The following MAMDC2 variants were observed in gnomAD, a reference collection of about 807,000 sequenced individuals.
MAMDC2 encodes the protein MAM domain containing 2, also known as MAM domain-containing protein 2.
In MAMDC2, 57 loss-of-function variants were observed where a neutral mutation model predicts 89.8. The ratio of observed to expected loss-of-function variants is 0.63; its 90% CI spans 0.51 to 0.79. MAMDC2 has a LOEUF of 0.79. Among genes scored for constraint, MAMDC2 ranks in the 30% least tolerant of loss-of-function variants. The probability of loss-of-function intolerance (pLI) is 0.00; values close to 1 mark genes in which losing one functional copy is unlikely to be tolerated. For synonymous variants in MAMDC2, 313 were observed against 293.4 expected, an observed-to-expected ratio of 1.07 and a Z score of -0.68; for missense variants, 800 against 820.6, an observed-to-expected ratio of 0.97 and a Z score of 0.31.
chr9:70,072,961 G>A (rs572244029), intron 2 of MAMDC2, among the ~76,000 whole-genome samples: 37 of 152,164 alleles, frequency 2.4e-4, no homozygotes, highest in Admixed American at 2.0e-3. Context: ...TCAGCCTCCC[G>A]AGTAGCTGGG....
intron 11 of MAMDC2, among the ~76,000 whole-genome samples, chr9:70,212,528 C>T (rs867071385): frequency 6.6e-5 from 10 of 152,194 alleles, no homozygotes; most frequent in South Asian, 4.1e-4. Context: ...TCCCTTGTCA[C>T]GGCTTCCCTT....
At chr9:70,154,663 G>A (rs2031692094) in intron 9 of MAMDC2, among the ~76,000 whole-genome samples, 1 of 151,064 alleles carries the variant, frequency 6.6e-6, no homozygotes, top group African/African-American at 2.4e-5. Flanking sequence ...TAGCTGGGGT[G>A]CAGAGCCAGC....
intron 9 of MAMDC2, among the ~76,000 whole-genome samples, chr9:70,160,074 T>C (rs1441841308): frequency 6.6e-6 from 1 of 152,028 alleles, no homozygotes; most frequent in Non-Finnish European, 1.5e-5. Flanking sequence ...TCGCAAGGCA[T>C]GGTGGCGCAT....
At chr9:70,072,791 C>CA (rs913121871) in intron 2 of MAMDC2, among the ~76,000 whole-genome samples, 1 of 151,746 alleles carries the variant, frequency 6.6e-6, no homozygotes, top group Non-Finnish European at 1.5e-5. Context: ...AAATTAAAGG[C>CA]AAAAAAAGCA....
At chr9:70,047,107 CTGGTTCCA>C (rs1341615335) in intron 2 of MAMDC2, among the ~76,000 whole-genome samples, 7 of 152,108 alleles carry the variant, frequency 4.6e-5, no homozygotes, top group Non-Finnish European at 8.8e-5. Flanking sequence ...CCCTTTGAAA[CTGGTTCCA>C]TGGTTCCATT....
chr9:70,116,230 G>A (rs1385410943), intron 5 of MAMDC2, among the ~76,000 whole-genome samples: 1 of 152,212 alleles, frequency 6.6e-6, no homozygotes, highest in Non-Finnish European at 1.5e-5. Flanking sequence ...GTAGCTGGCT[G>A]GGGAGAACAT....
intron 2 of MAMDC2, among the ~76,000 whole-genome samples, chr9:70,060,128 A>G (rs1160378430): frequency 2.0e-5 from 3 of 152,162 alleles, no homozygotes; most frequent in Non-Finnish European, 4.4e-5. Flanking sequence ...TTCATTGTCT[A>G]TCAACCCTGC....
intron 11 of MAMDC2, among the ~76,000 whole-genome samples, chr9:70,202,044 T>C (rs2033111054): frequency 6.6e-6 from 1 of 152,000 alleles, no homozygotes; most frequent in Admixed American, 6.6e-5. Context: ...TTTTTGTGTC[T>C]CTATTTCCTT....
intron 2 of MAMDC2, among the ~76,000 whole-genome samples, chr9:70,054,746 G>A (rs1227894439): frequency 6.6e-6 from 1 of 152,082 alleles, no homozygotes; most frequent in Non-Finnish European, 1.5e-5. Flanking sequence ...CTAAGAGCCT[G>A]GGAATTCCTT....
At chr9:70,209,812 G>T (rs867273400) in intron 11 of MAMDC2, among the ~76,000 whole-genome samples, 2 of 152,038 alleles carry the variant, frequency 1.3e-5, no homozygotes, top group African/African-American at 4.8e-5. Context: ...TTAAATGTGT[G>T]CCAGAGATTC....
chr9:70,050,905 T>G (rs1826878070), intron 2 of MAMDC2, among the ~76,000 whole-genome samples: 2 of 152,242 alleles, frequency 1.3e-5, no homozygotes, highest in Admixed American at 6.5e-5. Context: ...AGTTTCATAC[T>G]TAGTGTGTAG....
chr9:70,130,954 C>A (rs1306383815), intron 6 of MAMDC2, among the ~76,000 whole-genome samples: 4 of 152,144 alleles, frequency 2.6e-5, no homozygotes, highest in African/African-American at 7.2e-5. Context: ...TAAAAGGCAA[C>A]TTTAGAGACT....
In MAMDC2 at chr9:70,168,752, C is replaced by A. The variant is rs17051488; in HGVS notation, c.1455C>A (p.Ala485=). Residue 485 remains alanine, a synonymous_variant, in exon 10 of 14, where the codon GCC becomes GCA. Coordinates refer to ENST00000377182, the MANE Select transcript of MAMDC2 (RefSeq NM_153267.5). ...CKSFWDCGLV[A]LDDITIQLGS... is the part of the protein sequence containing the mutation. The stretch of plus-strand genomic sequence containing the variant: ...GTTTCTGGGACTGTGGGCTTGTAGC[C>A]CTGGATGACATTACAATACAATTGG... 2.5e-3 allele frequency: 3,976 copies of A among 1,613,970 alleles called. 77 individuals carry two copies. In the African/African-American group the frequency reaches 0.046, roughly 19 times the overall value.
intron 9 of MAMDC2, among the ~76,000 whole-genome samples, chr9:70,162,156 A>T (rs2031995317): frequency 6.6e-6 from 1 of 152,200 alleles, no homozygotes; most frequent in South Asian, 2.1e-4. Context: ...CCAACAACCT[A>T]GTCTACCATG....
At chr9:70,168,545 C>G in intron 9 of MAMDC2, 157 bp from the exon 10 acceptor site, 1 of 589,618 alleles carries the variant, frequency 1.7e-6, no homozygotes, top group Non-Finnish European at 3.0e-6. Flanking sequence ...AGATGGTAAC[C>G]ATTCTTCTTC....
At chr9:70,159,078 A>G (rs1360495764) in intron 9 of MAMDC2, among the ~76,000 whole-genome samples, 1 of 150,588 alleles carries the variant, frequency 6.6e-6, no homozygotes, top group Admixed American at 6.6e-5. Context: ...ACACACACAC[A>G]CGTATAACAT....
intron 9 of MAMDC2, among the ~76,000 whole-genome samples, chr9:70,151,197 C>T (rs1306429957): frequency 6.6e-6 from 1 of 152,268 alleles, no homozygotes; most frequent in African/African-American, 2.4e-5. Context: ...AGGTCAAGTG[C>T]TTCCTCTCAG....
At chr9:70,175,733 C>T (rs923341949) in intron 11 of MAMDC2, 13 of 152,128 alleles carry the variant, frequency 8.5e-5, no homozygotes, top group Non-Finnish European at 1.9e-4. Context: ...GTGGCTTAAA[C>T]ATTAGAAATT....
intron 2 of MAMDC2, among the ~76,000 whole-genome samples, chr9:70,045,537 A>G (rs913458838): frequency 6.6e-6 from 1 of 152,124 alleles, no homozygotes; most frequent in Non-Finnish European, 1.5e-5. Flanking sequence ...TTTAAAAAAC[A>G]TGGTACCCTA....
Sources: gnomAD v4.1 joint callset for allele counts (sites outside exome capture counted in the v4.1 genomes callset) on GRCh38, gnomAD v4.1.1 for gene constraint, MANE v1.5 for transcripts, NCBI Gene and HGNC (gene_info 2026-07-23, HGNC 2026-07-21) for gene names.